The following SS18 variants were observed in gnomAD, a reference collection of about 807,000 sequenced individuals.
The protein encoded by SS18 is SS18 subunit of BAF chromatin remodeling complex.
Under a neutral mutation model 72.5 loss-of-function variants are expected in SS18, and 28 were observed. The observed-to-expected ratio is 0.39, with a 90% CI of 0.29 to 0.53. The LOEUF (loss-of-function observed/expected upper bound fraction) is 0.53, where lower values mean the gene tolerates loss of function less well. Among genes scored for constraint, SS18 ranks in the 20% least tolerant of loss-of-function variants. The probability of loss-of-function intolerance (pLI) is 0.76; values close to 1 mark genes in which losing one functional copy is unlikely to be tolerated. For missense variants in SS18, 518 were observed against 535.3 expected (o/e 0.97, Z 0.32); for synonymous variants, 172 against 164.2 (o/e 1.05, Z -0.37).
At position 26,018,080 on chromosome 18, in the gene SS18, G is replaced by C. The variant is rs961927978; in HGVS notation, c.*274C>G. 2 of 344,110 alleles carry C rather than the reference G, an allele frequency of 5.8e-6. No homozygotes were observed. The highest frequency in any genetic ancestry group is 4.6e-5 in the Admixed American group (1 of 21,836). The allele number at this position is 344,110 out of a possible 1,614,324, so 21.3% of individuals were successfully genotyped here. Reference sequence around the variant, plus strand: ...TCTGTAACAGTCCATTTGAAACACAGTTCCAAAATCATTACAAATTGGTTA... The same window carrying C: ...TCTGTAACAGTCCATTTGAAACACACTTCCAAAATCATTACAAATTGGTTA... On this transcript the variant is annotated 3_prime_UTR_variant, in exon 11 of 11. Transcript: ENST00000415083.
intron 4 of SS18, among the ~76,000 whole-genome samples, chr18:26,053,924 T>C (rs768002935): frequency 3.3e-5 from 5 of 152,208 alleles, no homozygotes; most frequent in African/African-American, 4.8e-5. Context: ...AAATTTGTGA[T>C]GACAAACAAC....
upstream of SS18, chr18:26,090,803 C>T: frequency 1.7e-6 from 1 of 581,452 alleles, no homozygotes; most frequent in Non-Finnish European, 3.0e-6. Context: ...CTTGACCGTC[C>T]CTGCATCCCC....
chr18:26,069,758 G>C (rs2054281922), intron 3 of SS18, among the ~76,000 whole-genome samples: 1 of 152,046 alleles, frequency 6.6e-6, no homozygotes, highest in African/African-American at 2.4e-5. Flanking sequence ...TTCTCCCCAA[G>C]TTTTTCTCAA....
chr18:26,044,507 AGAGACAGGGTTTCATTATGTTGGCC>A (rs2053786177), intron 5 of SS18, among the ~76,000 whole-genome samples: 1 of 151,556 alleles, frequency 6.6e-6, no homozygotes, highest in African/African-American at 2.4e-5. Context: ...TATTTTTAGT[AGAGACAGGGTTTCATTATGTTGGCC>A]AGGTTGGTCT....
chr18:26,032,339 T>C (rs1429100495), intron 10 of SS18, 60 bp downstream of exon 10: 12 of 1,577,768 alleles, frequency 7.6e-6, no homozygotes, highest in Admixed American at 1.8e-5. Flanking sequence ...TAAAAAAAAG[T>C]TCACCTAATC....
chr18:26,035,141 G>A lies in SS18; in HGVS notation c.974-14C>T, dbSNP rs1481135684. ...ACTGTGAATTTCCTACAGGATAATT[G>A]GAGAAGAGGAAAAAAAACTGAGAAG... On this transcript the variant is annotated splice_polypyrimidine_tract_variant and intron_variant, in intron 8 of 10. Transcript: ENST00000415083. This position sits in a 1 kb window ranked among gnomAD's most constrained non-coding sequence, Gnocchi z 4.4. 6.2e-7 allele frequency: 1 copy of A among 1,610,272 alleles called. No individual in the cohort carries two copies.
At chr18:26,031,721 A>G (rs2053544838) in intron 10 of SS18, among the ~76,000 whole-genome samples, 1 of 152,186 alleles carries the variant, frequency 6.6e-6, no homozygotes, top group Admixed American at 6.6e-5. Flanking sequence ...ACATATCTGA[A>G]AGAAGAATGA....
chr18:26,045,024 T>C (rs984465653), intron 5 of SS18, among the ~76,000 whole-genome samples: 8 of 152,200 alleles, frequency 5.3e-5, no homozygotes, highest in Non-Finnish European at 1.2e-4. Context: ...GCAAATCCGC[T>C]CTACCTTCAA....
chr18:26,039,964 T>C (rs1273170019), intron 5 of SS18, among the ~76,000 whole-genome samples: 1 of 152,202 alleles, frequency 6.6e-6, no homozygotes, highest in Non-Finnish European at 1.5e-5. Context: ...ACAGGAAAAC[T>C]ATACAAACAC....
chr18:26,033,233 G>T (rs531986964), intron 9 of SS18, among the ~76,000 whole-genome samples: 1 of 152,184 alleles, frequency 6.6e-6, no homozygotes, highest in Non-Finnish European at 1.5e-5. Context: ...TACTAGTTGG[G>T]CTTGGCGCAG....
At chr18:26,021,129 A>G (rs1440444776) in intron 10 of SS18, among the ~76,000 whole-genome samples, 1 of 152,204 alleles carries the variant, frequency 6.6e-6, no homozygotes, top group Non-Finnish European at 1.5e-5. Context: ...CTAAAAAGGT[A>G]GGCTGTGTAT....
intron 10 of SS18, among the ~76,000 whole-genome samples, chr18:26,027,671 TAAAA>T (rs68048813): frequency 0.012 from 330 of 27,266 alleles, 6 homozygotes; most frequent in African/African-American, 0.033. Flanking sequence ...GAGACTCATC[TAAAA>T]AAAAAAAAAA....
rs570531128 is a variant in SS18 at position 26,022,162 on chromosome 18, G to A, written c.1231-3782C>T. On this transcript the variant is annotated intron_variant, in intron 10 of 10. Transcript: ENST00000415083. ...CTCTTAACTCTGGTCTTGTGATCACGCATTCAAATCTAGAAAGTAGTGGCC... is the reference window on the plus strand; with the variant it reads ...CTCTTAACTCTGGTCTTGTGATCACACATTCAAATCTAGAAAGTAGTGGCC... 1.1e-4 allele frequency among the ~76,000 whole-genome samples: 17 copies of A among 152,074 alleles called. No individual in the cohort carries two copies. The South Asian group carries it at 2.1e-3, about 19-fold the overall frequency.
At chr18:26,057,556 C>G (rs181134767) in intron 4 of SS18, 33 bp downstream of exon 4, 2 of 1,613,328 alleles carry the variant, frequency 1.2e-6, no homozygotes, top group African/African-American at 2.7e-5. Flanking sequence ...CTAAGCAACT[C>G]TGGTGTTAAT....
rs183652223 is a variant in SS18, at chr18:26,072,241, G to T, written c.231+5835C>A. 2.1e-3 allele frequency among the ~76,000 whole-genome samples: 313 copies of T among 151,462 alleles called. 1 individual carries two copies. The highest frequency in any genetic ancestry group is 7.4e-3 in the African/African-American group (307 of 41,282). ...TAACCACTAAAAGAATAGTAAATAT[G>T]TAAGATTTCCCAACTAGAAAGAAAA... On this transcript the variant is annotated intron_variant, in intron 3 of 10. Coordinates refer to ENST00000415083, the MANE Select transcript of SS18 (RefSeq NM_001007559.3).
intron 3 of SS18, among the ~76,000 whole-genome samples, chr18:26,059,782 G>A (rs1356265958): frequency 6.6e-6 from 1 of 152,122 alleles, no homozygotes; most frequent in Non-Finnish European, 1.5e-5. Flanking sequence ...TTCTATAATT[G>A]TTCAACCACA....
intron 10 of SS18, chr18:26,023,751 C>A: frequency 2.5e-6 from 1 of 406,500 alleles, no homozygotes; most frequent in Non-Finnish European, 4.6e-6. Flanking sequence ...ATCCTTCAGG[C>A]AAACAAAAAT....
chr18:26,077,923 A>G (rs952593261), intron 3 of SS18, among the ~76,000 whole-genome samples, 153 bp downstream of exon 3: 1 of 152,204 alleles, frequency 6.6e-6, no homozygotes, highest in Admixed American at 6.5e-5. Flanking sequence ...ATATAAAAGC[A>G]AAACAAAGCT....
At chr18:26,088,697 C>G (rs376986184) in intron 1 of SS18, among the ~76,000 whole-genome samples, 1 of 152,176 alleles carries the variant, frequency 6.6e-6, no homozygotes, top group Non-Finnish European at 1.5e-5. Flanking sequence ...CTTAAGTTTT[C>G]AGGGGCTGAT....
Sources: gnomAD v4.1 joint callset for allele counts (sites outside exome capture counted in the v4.1 genomes callset) on GRCh38, gnomAD v4.1.1 for gene constraint, Gnocchi (gnomAD v3.1) non-coding constraint, MANE v1.5 for transcripts, NCBI Gene and HGNC (gene_info 2026-07-23, HGNC 2026-07-21) for gene names.